The following DKK4 variants were observed in gnomAD, a reference collection of about 807,000 sequenced individuals.
DKK4 encodes dickkopf Wnt signaling pathway inhibitor 4, also known as dickkopf-related protein 4.
In DKK4, 15 loss-of-function variants were observed where a neutral mutation model predicts 14.5. The ratio of observed to expected loss-of-function variants is 1.03; its 90% CI spans 0.69 to 1.59. DKK4 has a LOEUF of 1.59. Among genes scored for constraint, DKK4 ranks in the 40% most tolerant of loss-of-function variants. The pLI, the probability that DKK4 is intolerant of heterozygous loss-of-function variation, is 0.00. For synonymous variants in DKK4, 89 were observed against 105.2 expected (o/e 0.85, Z 0.94); for missense variants, 272 against 280.3 (o/e 0.97, Z 0.21).
the DKK4 span, among the ~76,000 whole-genome samples, chr8:42,383,372 G>C: frequency 6.6e-6 from 1 of 152,260 alleles, no homozygotes; most frequent in East Asian, 1.9e-4. Context: ...TTCTGGTCTT[G>C]AGGGCCTTTT....
upstream of DKK4, among the ~76,000 whole-genome samples, chr8:42,380,299 T>G (rs549530265): frequency 7.5e-4 from 113 of 150,662 alleles, 1 homozygote; most frequent in African/African-American, 2.4e-3. Flanking sequence ...CACTCAAGCC[T>G]GGGTGACAGA....
upstream of DKK4, among the ~76,000 whole-genome samples, chr8:42,381,833 A>G (rs1049593980): frequency 2.0e-5 from 3 of 152,128 alleles, no homozygotes; most frequent in African/African-American, 7.2e-5. Flanking sequence ...CTCCATCTCT[A>G]CTAAAATACA....
intron 3 of DKK4, among the ~76,000 whole-genome samples, 160 bp downstream of exon 3, chr8:42,374,601 T>G (rs1340443714): frequency 6.6e-6 from 1 of 152,198 alleles, no homozygotes; most frequent in East Asian, 1.9e-4. Context: ...ACTCTCTACG[T>G]GACCCCCACA....
At chr8:42,385,492 C>T in the DKK4 span, among the ~76,000 whole-genome samples, 3 of 152,160 alleles carry the variant, frequency 2.0e-5, no homozygotes, top group East Asian at 1.9e-4. Flanking sequence ...TAGCTGTGTT[C>T]ATAACCTCAT....
At chr8:42,389,100 A>G in the DKK4 span, among the ~76,000 whole-genome samples, 3 of 152,128 alleles carry the variant, frequency 2.0e-5, no homozygotes, top group South Asian at 6.2e-4. Flanking sequence ...CATGCCACCC[A>G]TGCCTGGCTA....
At chr8:42,374,936 T>C in intron 2 of DKK4, 23 bp from the exon 3 acceptor site, 1 of 1,613,522 alleles carries the variant, frequency 6.2e-7, no homozygotes. Context: ...CAGGTGTAAC[T>C]AGAATTATTA....
At chr8:42,376,389 A>G (rs1417413775) in intron 1 of DKK4, among the ~76,000 whole-genome samples, 1 of 152,230 alleles carries the variant, frequency 6.6e-6, no homozygotes, top group Admixed American at 6.5e-5. Flanking sequence ...TGTAGCATAT[A>G]TGATATATGT....
the DKK4 span, among the ~76,000 whole-genome samples, chr8:42,390,976 C>T: frequency 4.6e-5 from 7 of 152,122 alleles, no homozygotes; most frequent in Admixed American, 3.3e-4. Flanking sequence ...ATCATTTCAG[C>T]CTGAATCAAT....
upstream of DKK4, among the ~76,000 whole-genome samples, chr8:42,378,909 C>G (rs959094687): frequency 3.0e-5 from 4 of 133,054 alleles, no homozygotes; most frequent in African/African-American, 1.2e-4. Flanking sequence ...GAGTTCAAGA[C>G]GAGCCTGGGC....
At chr8:42,383,618 A>G in the DKK4 span, among the ~76,000 whole-genome samples, 5 of 152,212 alleles carry the variant, frequency 3.3e-5, no homozygotes, top group Non-Finnish European at 7.3e-5. Flanking sequence ...CCTTCCTCAA[A>G]GATAGGCTCT....
upstream of DKK4, among the ~76,000 whole-genome samples, chr8:42,380,851 A>T (rs1824666684): frequency 1.3e-5 from 2 of 150,978 alleles, no homozygotes; most frequent in Admixed American, 1.3e-4. Context: ...AATAAATGAA[A>T]AAAGGAAGGA....
chr8:42,380,786 A>AGAAAG, upstream of DKK4, among the ~76,000 whole-genome samples: 1 of 143,692 alleles, frequency 7.0e-6, no homozygotes, highest in African/African-American at 2.7e-5. Context: ...ATGTGAGAGA[A>AGAAAG]AGGAAGAAAG....
At chr8:42,381,533 A>G (rs1043561439), upstream of DKK4, among the ~76,000 whole-genome samples, 6 of 152,094 alleles carry the variant, frequency 3.9e-5, no homozygotes, top group African/African-American at 9.7e-5. Context: ...GTGTCTGTCC[A>G]TCTCTGTCTC....
chr8:42,375,725 ACCT>A lies in DKK4; in HGVS notation c.214_216del (p.Arg72del). On this transcript the variant is annotated inframe_deletion, in exon 2 of 4. Transcript: ENST00000220812. ...GGGCAGCACATGGCATCTCGCTGGC[ACCT>A]CCTCCGCAACCCACGACATGTAGCA... The A allele has an allele frequency of 1.2e-6, 2 of 1,613,772 alleles. No homozygotes were observed. The highest frequency in any genetic ancestry group is 1.7e-6 in the Non-Finnish European group (2 of 1,179,992).
At chr8:42,388,936 T>C in the DKK4 span, among the ~76,000 whole-genome samples, 1 of 152,364 alleles carries the variant, frequency 6.6e-6, no homozygotes, top group East Asian at 1.9e-4. Context: ...TTATGCACTA[T>C]GGTTACATTA....
upstream of DKK4, among the ~76,000 whole-genome samples, chr8:42,380,326 C>T (rs1475196606): frequency 6.6e-6 from 1 of 150,926 alleles, no homozygotes; most frequent in Admixed American, 6.6e-5. Context: ...CCCTGTCCTC[C>T]CACCAACAAG....
At chr8:42,387,344 CTTTTTTTTTT>C in the DKK4 span, among the ~76,000 whole-genome samples, 3 of 44,906 alleles carry the variant, frequency 6.7e-5, no homozygotes, top group East Asian at 6.5e-4. Context: ...GAAGGCCAGT[CTTTTTTTTTT>C]TTTTTTTTTT....
upstream of DKK4, among the ~76,000 whole-genome samples, chr8:42,381,726 G>C (rs149467948): frequency 3.1e-3 from 478 of 152,250 alleles, 1 homozygote; most frequent in Middle Eastern, 3.4e-3. Context: ...AGCCAGGCGC[G>C]GTGGCTCACG....
chr8:42,380,917 AAG>A (rs199665946), upstream of DKK4, among the ~76,000 whole-genome samples: 2,847 of 152,100 alleles, frequency 0.019, 82 homozygotes, highest in South Asian at 0.12. Context: ...GAGAGAAAGA[AAG>A]AAAAAGAAAG....
Sources: allele counts gnomAD v4.1 joint callset (sites outside exome capture counted in the v4.1 genomes callset), GRCh38; gene constraint gnomAD v4.1.1; transcripts MANE v1.5; gene names NCBI Gene and HGNC (gene_info 2026-07-23, HGNC 2026-07-21).